The following SAMMSON variants were observed in gnomAD, a reference collection of about 807,000 sequenced individuals.
SAMMSON encodes long intergenic non-protein coding RNA 1212.
chr3:70,259,629 C>A (rs1396775776), intron 6 of SAMMSON, among the ~76,000 whole-genome samples: 1 of 152,160 alleles, frequency 6.6e-6, no homozygotes, highest in African/African-American at 2.4e-5. Context: ...CATCTCTACA[C>A]CCTGAAAGTC....
At chr3:70,416,508 G>A (rs1701265937) in intron 2 of SAMMSON, among the ~76,000 whole-genome samples, 1 of 152,088 alleles carries the variant, frequency 6.6e-6, no homozygotes, top group Non-Finnish European at 1.5e-5. Context: ...AAAAATTATG[G>A]TATTTTACAC....
intron 4 of SAMMSON, among the ~76,000 whole-genome samples, chr3:70,096,647 A>G (rs2067324030): frequency 6.6e-6 from 1 of 152,172 alleles, no homozygotes; most frequent in Admixed American, 6.5e-5. Flanking sequence ...GGTCCTATTT[A>G]TACTCAAAGG....
At chr3:70,167,443 A>G (rs979556625) in intron 4 of SAMMSON, among the ~76,000 whole-genome samples, 1 of 152,036 alleles carries the variant, frequency 6.6e-6, no homozygotes, top group Admixed American at 6.6e-5. Context: ...CTTCAGATGC[A>G]GCATTTCTCT....
intron 4 of SAMMSON, chr3:70,206,921 T>A (rs989769333): frequency 2.5e-6 from 1 of 394,134 alleles, no homozygotes; most frequent in Non-Finnish European, 4.5e-6. Context: ...TGAAGTATTA[T>A]TGAGCAAGAC....
At chr3:70,092,289 A>G (rs977461728) in intron 4 of SAMMSON, among the ~76,000 whole-genome samples, 2 of 151,944 alleles carry the variant, frequency 1.3e-5, no homozygotes, top group African/African-American at 4.8e-5. Context: ...GTAGATATAT[A>G]TGTATTCATG....
At chr3:70,360,748 A>G (rs1702864823) in intron 9 of SAMMSON, among the ~76,000 whole-genome samples, 3 of 152,212 alleles carry the variant, frequency 2.0e-5, no homozygotes, top group Admixed American at 2.0e-4. Flanking sequence ...ACATCATAAT[A>G]TAAATGGAAA....
intron 6 of SAMMSON, among the ~76,000 whole-genome samples, chr3:70,252,572 G>T (rs1413088990): frequency 6.6e-6 from 1 of 152,120 alleles, no homozygotes; most frequent in African/African-American, 2.4e-5. Flanking sequence ...CAATAAAGTG[G>T]GCCAGATAAC....
intron 7 of SAMMSON, among the ~76,000 whole-genome samples, chr3:70,323,018 G>A (rs1467733003): frequency 6.6e-6 from 1 of 152,072 alleles, no homozygotes; most frequent in Non-Finnish European, 1.5e-5. Flanking sequence ...GACAGTGGTT[G>A]AATTTGGGGG....
chr3:70,154,094 CTTTTT>C (rs59107850), intron 4 of SAMMSON, among the ~76,000 whole-genome samples: 1 of 148,814 alleles, frequency 6.7e-6, no homozygotes, highest in Non-Finnish European at 1.5e-5. Flanking sequence ...TTGAAACTGA[CTTTTT>C]TTTTTCCAGC....
intron 4 of SAMMSON, among the ~76,000 whole-genome samples, chr3:70,157,262 C>G (rs1198622711): frequency 6.6e-6 from 1 of 152,052 alleles, no homozygotes; most frequent in Non-Finnish European, 1.5e-5. Flanking sequence ...GTCAAATCAC[C>G]TGCCACTCTG....
intron 3 of SAMMSON, among the ~76,000 whole-genome samples, chr3:70,016,539 C>A (rs376024790): frequency 1.3e-5 from 2 of 151,986 alleles, no homozygotes; most frequent in African/African-American, 2.4e-5. Flanking sequence ...TGTAGGTTGC[C>A]TGTTCACTCT....
chr3:70,228,760 C>T (rs1415080449), intron 4 of SAMMSON, among the ~76,000 whole-genome samples: 2 of 145,144 alleles, frequency 1.4e-5, no homozygotes, highest in Admixed American at 1.4e-4. Context: ...TTTTTACTAA[C>T]AACAGTCAAG....
chr3:70,195,415 A>G (rs903409953), intron 4 of SAMMSON, among the ~76,000 whole-genome samples: 1 of 152,204 alleles, frequency 6.6e-6, no homozygotes, highest in Non-Finnish European at 1.5e-5. Context: ...GCAAGTTGAG[A>G]GTGGTTAAAT....
chr3:70,177,264 C>T (rs1028446296), intron 4 of SAMMSON, among the ~76,000 whole-genome samples: 1 of 152,192 alleles, frequency 6.6e-6, no homozygotes, highest in East Asian at 1.9e-4. Context: ...CCCTACCTGA[C>T]CAAATCTGAC....
chr3:70,389,281 A>G (rs1446610375), intron 9 of SAMMSON, among the ~76,000 whole-genome samples: 2 of 152,054 alleles, frequency 1.3e-5, no homozygotes, highest in African/African-American at 2.4e-5. Flanking sequence ...TGTGTAGTAT[A>G]AAATGGTAAC....
chr3:70,008,770 T>G (rs944847506), intron 1 of SAMMSON, among the ~76,000 whole-genome samples: 4 of 152,190 alleles, frequency 2.6e-5, no homozygotes, highest in African/African-American at 9.7e-5. Flanking sequence ...ATATTGGCTG[T>G]GGGTTTGTTA....
chr3:70,286,671 T>C (rs1702167322), intron 6 of SAMMSON, among the ~76,000 whole-genome samples: 10 of 152,128 alleles, frequency 6.6e-5, no homozygotes, highest in Admixed American at 6.6e-4. Context: ...TTTCATGATA[T>C]TGATTCTTCC....
chr3:70,414,334 C>A (rs1377293086), intron 2 of SAMMSON, among the ~76,000 whole-genome samples: 1 of 151,970 alleles, frequency 6.6e-6, no homozygotes, highest in Admixed American at 6.6e-5. Flanking sequence ...TAGACTTTAT[C>A]AAAATGATTA....
At chr3:70,010,598 A>G (rs553995717) in intron 1 of SAMMSON, among the ~76,000 whole-genome samples, 1 of 152,192 alleles carries the variant, frequency 6.6e-6, no homozygotes, top group Admixed American at 6.5e-5. Context: ...TTAATAACCT[A>G]TTTGTAATTT....
Sources: gnomAD v4.1 joint callset for allele counts (sites outside exome capture counted in the v4.1 genomes callset) on GRCh38, gnomAD v4.1.1 for gene constraint, MANE v1.5 for transcripts, NCBI Gene and HGNC (gene_info 2026-07-23, HGNC 2026-07-21) for gene names.